Variants in ART3 observed in about 807,000 individuals in gnomAD.
The protein encoded by ART3 is ADP-ribosyltransferase 3 (inactive), also known as ecto-ADP-ribosyltransferase 3.
ART3 carries 49 observed loss-of-function variants against 48.5 expected under a neutral mutation model. The ratio of observed to expected loss-of-function variants is 1.01; its 90% confidence interval spans 0.80 to 1.28. The LOEUF is 1.28. Among genes scored for constraint, ART3 ranks in the 50% most tolerant of loss-of-function variants. The pLI is 0.00. For missense variants in ART3, 438 were observed against 454.3 expected, an observed-to-expected ratio of 0.96 and a Z score of 0.33; for synonymous variants, 145 against 157.2, an observed-to-expected ratio of 0.92 and a Z score of 0.58.
rs1171933115 is a variant in ART3 at position 76,031,336 on chromosome 4, TA to T, written c.-10+20018del. ...GTGGTATACAGAGTTTCTAAAAATA[TA>T]ATGAAGATCAAACAGAGAAATGTTA... On this transcript the variant is annotated intron_variant, in intron 1 of 9. Coordinates refer to the ART3 transcript ENST00000341029. Among the ~76,000 whole-genome samples, 7 of 147,212 alleles carry T rather than the reference TA, an allele frequency of 4.8e-5. No homozygotes were observed. The Admixed American group carries it at 4.9e-4, about 10-fold the overall frequency.
At chr4:76,034,513 C>T (rs899972908) in intron 1 of ART3, 1 of 518,544 alleles carries the variant, frequency 1.9e-6, no homozygotes, top group Non-Finnish European at 3.3e-6. Flanking sequence ...TGGTAACCAG[C>T]CTTTCTTAAG....
At chr4:76,097,556 G>T in intron 3 of ART3, 88 bp from the exon 4 acceptor site, 1 of 1,148,190 alleles carries the variant, frequency 8.7e-7, no homozygotes, top group Non-Finnish European at 1.3e-6. Context: ...GGAGCTGACA[G>T]ATTAGGTTAC....
intron 1 of ART3, among the ~76,000 whole-genome samples, chr4:76,018,243 C>T (rs1732441350): frequency 6.6e-6 from 1 of 152,220 alleles, no homozygotes. Context: ...GGTACATATA[C>T]ACCATGGAAT....
At chr4:76,074,177 C>T (rs7685390), upstream of ART3, among the ~76,000 whole-genome samples, 31,390 of 152,096 alleles carry the variant, frequency 0.21, 5,525 homozygotes, top group African/African-American at 0.48. Flanking sequence ...TTAATGTTAT[C>T]ACTGGACTTT....
At chr4:76,092,702 A>G (rs1725175843) in intron 3 of ART3, among the ~76,000 whole-genome samples, 2 of 151,844 alleles carry the variant, frequency 1.3e-5, no homozygotes, top group African/African-American at 4.8e-5. Context: ...GAAAGTTGTG[A>G]CTACTGTTTG....
At chr4:76,093,052 T>C (rs1020483150) in intron 3 of ART3, among the ~76,000 whole-genome samples, 6 of 152,134 alleles carry the variant, frequency 3.9e-5, no homozygotes, top group South Asian at 2.1e-4. Context: ...GAATCTGTTT[T>C]CTTGCTTTTT....
intron 1 of ART3, chr4:76,041,535 T>A (rs1323086907): frequency 6.6e-6 from 1 of 152,208 alleles, no homozygotes; most frequent in African/African-American, 2.4e-5. Flanking sequence ...TAATTTTAAA[T>A]ATTCCAATAG....
chr4:76,068,175 C>T (rs925878885), intron 1 of ART3, among the ~76,000 whole-genome samples: 2 of 152,090 alleles, frequency 1.3e-5, no homozygotes, highest in African/African-American at 2.4e-5. Context: ...TTAGGTATGA[C>T]TTATGTAAAT....
chr4:76,096,856 T>C (rs1726125887), intron 3 of ART3, among the ~76,000 whole-genome samples: 1 of 152,228 alleles, frequency 6.6e-6, no homozygotes, highest in Non-Finnish European at 1.5e-5. Flanking sequence ...TATATGAATG[T>C]GAAGGATCTT....
intron 1 of ART3, among the ~76,000 whole-genome samples, chr4:76,025,162 G>A (rs978112312): frequency 4.0e-5 from 6 of 150,564 alleles, no homozygotes; most frequent in Admixed American, 2.7e-4. Flanking sequence ...AGAGGCGTTC[G>A]TTCTGATGAG....
upstream of ART3, among the ~76,000 whole-genome samples, chr4:76,073,990 A>G (rs1190180493): frequency 6.6e-6 from 1 of 152,196 alleles, no homozygotes; most frequent in African/African-American, 2.4e-5. Context: ...TACTATCAAC[A>G]TTCTATTAAT....
intron 2 of ART3, 104 bp from the exon 3 acceptor site, chr4:76,081,720 G>T: frequency 8.0e-7 from 1 of 1,249,436 alleles, no homozygotes; most frequent in Non-Finnish European, 1.1e-6. Flanking sequence ...TAAGTCAGGC[G>T]AGAATTTTGG....
Position 76,082,089 on chromosome 4 carries a change from A to G in ART3, c.335A>G (p.Tyr112Cys). The change falls in exon 3 of 12, where the codon TAC (tyrosine) becomes TGC (cysteine). Residue 112 changes from tyrosine to cysteine, a missense_variant. This residue lies in a region of ART3 where 206 missense variants were observed against 205.3 expected (regional missense o/e 1.00). Coordinates refer to ENST00000355810, the MANE Select transcript of ART3 (RefSeq NM_001130016.3). The part of the protein sequence containing the change: ...ISEAQEQTPF[Y>C]HLFSEAVKMA... ...GAAGCTCAAGAGCAAACTCCCTTTT[A>G]CCATCTGTTCAGTGAAGCTGTGAAG... 6.2e-7 allele frequency: 1 copy of G among 1,614,200 alleles called. No individual in the cohort carries two copies. Among genetic ancestry groups the G allele is most frequent in the African/African-American group, 1.3e-5 (1 of 75,048 alleles).
intron 3 of ART3, among the ~76,000 whole-genome samples, chr4:76,088,261 T>C (rs1021757518): frequency 6.9e-6 from 1 of 144,674 alleles, no homozygotes. Context: ...TTTTTTTTTT[T>C]ACTGAACAGA....
chr4:76,022,727 A>T, intron 1 of ART3: 3 of 1,613,932 alleles, frequency 1.9e-6, no homozygotes, highest in Non-Finnish European at 2.5e-6. Context: ...GCTTGCAGGA[A>T]TAATTTCAAG....
chr4:76,034,171 G>T, intron 1 of ART3: 1 of 339,258 alleles, frequency 2.9e-6, no homozygotes, highest in Non-Finnish European at 5.3e-6. Flanking sequence ...TGATGCATAA[G>T]AATGTCTCCC....
intron 5 of ART3, 55 bp from the exon 6 acceptor site, chr4:76,100,236 T>C: frequency 6.4e-7 from 1 of 1,555,156 alleles, no homozygotes; most frequent in Non-Finnish European, 8.8e-7. Flanking sequence ...CAATAGTAAC[T>C]GCCAGTTCTT....
Position 76,024,983 on chromosome 4 carries a change from A to G in ART3, c.-10+13663A>G, listed in dbSNP as rs185690198. Among the ~76,000 whole-genome samples the G allele has an allele frequency of 1.8e-4, 27 of 152,318 alleles. No individual in the cohort carries two copies. The East Asian group carries it at 3.9e-3, about 22-fold the overall frequency. On this transcript the variant is annotated intron_variant, in intron 1 of 9. Transcript: ENST00000341029. The stretch of plus-strand genomic sequence containing the variant: ...GCAGAGAGTGAGTTGCTTGGGGTAA[A>G]TGGAATTTGCTAGAGAGCTGAATCC...
intron 11 of ART3, among the ~76,000 whole-genome samples, chr4:76,108,883 A>G (rs1211596097): frequency 6.6e-6 from 1 of 152,208 alleles, no homozygotes; most frequent in Non-Finnish European, 1.5e-5. Context: ...GTATCTAAAC[A>G]TAGAAAAGTT....
Sources: gnomAD v4.1 joint callset for allele counts (sites outside exome capture counted in the v4.1 genomes callset) on GRCh38, gnomAD v4.1.1 for gene constraint, gnomAD v4.1.1 regional missense constraint, MANE v1.5 for transcripts, NCBI Gene and HGNC (gene_info 2026-07-23, HGNC 2026-07-21) for gene names.